KCNIP1: variants seen among roughly 807,000 people sequenced by gnomAD.
The protein encoded by KCNIP1 is potassium voltage-gated channel interacting protein 1.
A neutral mutation model predicts 33.0 loss-of-function variants in KCNIP1; 18 were observed. That is an observed-to-expected ratio of 0.55 (90% CI 0.38 to 0.81). The LOEUF (loss-of-function observed/expected upper bound fraction) is 0.81, where lower values mean the gene tolerates loss of function less well. KCNIP1 is among the 30% of genes least tolerant of loss of function. KCNIP1 has a pLI of 0.00. For missense variants in KCNIP1, 238 were observed against 271.6 expected, an observed-to-expected ratio of 0.88 and a Z score of 0.87; for synonymous variants, 93 against 98.3, an observed-to-expected ratio of 0.95 and a Z score of 0.32.
At chr5:170,452,564 T>C (rs1194578075) in intron 1 of KCNIP1, among the ~76,000 whole-genome samples, 2 of 152,170 alleles carry the variant, frequency 1.3e-5, no homozygotes, top group Non-Finnish European at 2.9e-5. Flanking sequence ...TCACTTCCCA[T>C]CTTCAGGCCA....
chr5:170,667,496 T>C (rs767000608), intron 1 of KCNIP1, among the ~76,000 whole-genome samples: 7 of 152,218 alleles, frequency 4.6e-5, no homozygotes, highest in Non-Finnish European at 8.8e-5. Context: ...CCGGTCCTTC[T>C]TGAGAGTTTG....
chr5:170,353,891 C>G, exon 1 of KCNIP1: 1 of 1,614,168 alleles, frequency 6.2e-7, no homozygotes, highest in South Asian at 1.1e-5. Flanking sequence ...GCGGCTGCTC[C>G]AAAAGATGCA....
At chr5:170,540,865 T>A (rs1756177770) in intron 1 of KCNIP1, among the ~76,000 whole-genome samples, 1 of 152,130 alleles carries the variant, frequency 6.6e-6, no homozygotes, top group South Asian at 2.1e-4. Context: ...GAGAAGGTCT[T>A]AGTGGCCACA....
chr5:170,534,498 G>A (rs1382281666), intron 1 of KCNIP1, among the ~76,000 whole-genome samples: 4 of 133,576 alleles, frequency 3.0e-5, no homozygotes, highest in Non-Finnish European at 6.2e-5. Flanking sequence ...GGAGGAGGAG[G>A]AGAAGGAGGA....
intron 1 of KCNIP1, among the ~76,000 whole-genome samples, chr5:170,659,388 A>C (rs1352391164): frequency 6.6e-6 from 1 of 152,164 alleles, no homozygotes; most frequent in Non-Finnish European, 1.5e-5. Context: ...AGTAGAGGGG[A>C]ATACAAGGGA....
intron 1 of KCNIP1, among the ~76,000 whole-genome samples, chr5:170,676,142 G>A (rs1162447172): frequency 7.4e-5 from 8 of 108,086 alleles, no homozygotes; most frequent in African/African-American, 2.7e-4. Context: ...GCGGGGGAGG[G>A]AGAGAAGGGG....
intron 1 of KCNIP1, among the ~76,000 whole-genome samples, chr5:170,678,141 C>A (rs1253508552): frequency 6.6e-6 from 1 of 152,208 alleles, no homozygotes; most frequent in Admixed American, 6.5e-5. Context: ...AACCTTGTAG[C>A]TCTGATGGAA....
chr5:170,591,733 T>C (rs1314783550), intron 1 of KCNIP1, among the ~76,000 whole-genome samples: 1 of 152,258 alleles, frequency 6.6e-6, no homozygotes, highest in Non-Finnish European at 1.5e-5. Flanking sequence ...TTTAGCATAA[T>C]GTCCTCAGAC....
intron 1 of KCNIP1, among the ~76,000 whole-genome samples, chr5:170,424,731 C>A (rs1005061404): frequency 6.6e-6 from 1 of 152,180 alleles, no homozygotes; most frequent in African/African-American, 2.4e-5. Flanking sequence ...CCTGAGCGAT[C>A]TTTTAAAAGT....
intron 1 of KCNIP1, among the ~76,000 whole-genome samples, chr5:170,664,331 C>T (rs1761618630): frequency 6.6e-6 from 1 of 152,210 alleles, no homozygotes; most frequent in Non-Finnish European, 1.5e-5. Flanking sequence ...ACCTCCAAAA[C>T]AGGCTCAGTT....
At chr5:170,450,374 C>T (rs1314067483) in intron 1 of KCNIP1, among the ~76,000 whole-genome samples, 1 of 152,134 alleles carries the variant, frequency 6.6e-6, no homozygotes, top group East Asian at 1.9e-4. Context: ...GGTTGGACCC[C>T]GCATCTACTC....
rs149400262 is a variant in KCNIP1, at chr5:170,536,819, C to T, written c.61+32186C>T. Among the ~76,000 whole-genome samples the T allele has an allele frequency of 2.6e-5, 4 of 152,322 alleles. No individual in the cohort carries two copies. The East Asian group carries it at 7.7e-4, about 29-fold the overall frequency. On this transcript the variant is annotated intron_variant, in intron 1 of 7. Coordinates refer to ENST00000328939, the MANE Select transcript of KCNIP1 (RefSeq NM_014592.4). ...AGAGGACAGAGTCAAAGAAAACCCACTCAGAAGCCTGGAGAGCGGCTGAAA... is the reference window on the plus strand; with the variant it reads ...AGAGGACAGAGTCAAAGAAAACCCATTCAGAAGCCTGGAGAGCGGCTGAAA...
intron 1 of KCNIP1, among the ~76,000 whole-genome samples, chr5:170,493,882 C>T (rs563202014): frequency 1.3e-4 from 20 of 152,210 alleles, no homozygotes; most frequent in Non-Finnish European, 2.5e-4. Flanking sequence ...TCTCTCTCCA[C>T]GGAACTGTGA....
intron 1 of KCNIP1, among the ~76,000 whole-genome samples, chr5:170,472,453 A>G (rs912202360): frequency 6.6e-6 from 1 of 152,146 alleles, no homozygotes; most frequent in African/African-American, 2.4e-5. Flanking sequence ...TCCATAGGTT[A>G]TTGGTGTACA....
intron 1 of KCNIP1, among the ~76,000 whole-genome samples, chr5:170,539,273 G>A (rs999314187): frequency 2.0e-5 from 3 of 152,148 alleles, no homozygotes; most frequent in Non-Finnish European, 4.4e-5. Context: ...GGAAACACTT[G>A]TTTTCATTCC....
intron 1 of KCNIP1, among the ~76,000 whole-genome samples, chr5:170,365,193 A>G (rs1341190003): frequency 2.0e-5 from 3 of 152,144 alleles, no homozygotes; most frequent in African/African-American, 7.2e-5. Context: ...GCAGATGAGG[A>G]ACCTGAGGCC....
chr5:170,387,031 G>T (rs1764503233), intron 1 of KCNIP1, among the ~76,000 whole-genome samples: 1 of 152,112 alleles, frequency 6.6e-6, no homozygotes. Flanking sequence ...GCCCAGCCAT[G>T]GTCCCCGCGT....
intron 1 of KCNIP1, among the ~76,000 whole-genome samples, chr5:170,639,875 G>A (rs1320584299): frequency 6.6e-6 from 1 of 152,244 alleles, no homozygotes; most frequent in Non-Finnish European, 1.5e-5. Flanking sequence ...GCATCACAGA[G>A]AAGTTGATTT....
intron 1 of KCNIP1, among the ~76,000 whole-genome samples, chr5:170,620,986 C>T (rs1287305029): frequency 2.0e-5 from 3 of 152,114 alleles, no homozygotes; most frequent in Non-Finnish European, 2.9e-5. Flanking sequence ...TTAGAGGTGT[C>T]CATCACTGGT....
Sources: gnomAD v4.1 joint callset for allele counts (sites outside exome capture counted in the v4.1 genomes callset) on GRCh38, gnomAD v4.1.1 for gene constraint, MANE v1.5 for transcripts, NCBI Gene and HGNC (gene_info 2026-07-23, HGNC 2026-07-21) for gene names.